Variants in DMD observed in about 807,000 individuals in gnomAD.
DMD encodes mutant dystrophin.
Under a neutral mutation model 330.1 loss-of-function variants are expected in DMD, and 63 were observed. The observed-to-expected ratio is 0.19, with a 90% CI of 0.16 to 0.24. The LOEUF (loss-of-function observed/expected upper bound fraction) is 0.24. DMD is among the 10% of genes least tolerant of loss of function. The pLI is 1.00. For synonymous variants in DMD, 1,223 were observed against 959.8 expected (o/e 1.27, Z -5.07); for missense variants, 3,344 against 2,684.1 (o/e 1.25, Z -5.43).
intron 43 of DMD, among the ~76,000 whole-genome samples, chrX:32,267,605 C>A (rs935253437): frequency 8.9e-6 from 1 of 111,896 alleles, no homozygotes; most frequent in Non-Finnish European, 1.9e-5. Flanking sequence ...AGAAAAGTAA[C>A]CCTAATATTA....
chrX:32,367,977 C>A (rs1467165276), intron 34 of DMD, among the ~76,000 whole-genome samples: 1 of 111,822 alleles, frequency 8.9e-6, no homozygotes, highest in Non-Finnish European at 1.9e-5. Context: ...AGTATTCAAT[C>A]ATTTGTATAC....
intron 1 of DMD, among the ~76,000 whole-genome samples, chrX:33,285,658 G>A (rs745761976): frequency 8.9e-6 from 1 of 111,856 alleles, no homozygotes; most frequent in Admixed American, 9.5e-5. Flanking sequence ...TTTGTATTGT[G>A]TGATATTTGC....
chrX:32,500,895 CA>C (rs1320031384), intron 19 of DMD, among the ~76,000 whole-genome samples: 6 of 111,849 alleles, frequency 5.4e-5, no homozygotes, highest in Non-Finnish European at 3.8e-5. Flanking sequence ...ATTTATGCCC[CA>C]AAATGCAGGC....
In DMD at chrX:32,472,246, T is replaced by C. The variant is rs755414598; in HGVS notation, c.2867A>G (p.Gln956Arg). Reference protein sequence around the residue: ...ETMSAIRTWVQQSETKLSIPQ... With the variant: ...ETMSAIRTWVRQSETKLSIPQ... The stretch of plus-strand genomic sequence containing the variant: ...TATGGAGAGTTTGGTTTCTGACTGC[T>C]GGACCCATGTCCTGATGGCACTCAT... The change falls in exon 22 of 79, where the codon CAG becomes CGG. Residue 956 changes from glutamine to arginine, a missense_variant. Transcript: ENST00000357033. The C allele has an allele frequency of 8.3e-7, 1 of 1,209,125 alleles. No homozygotes were observed. The highest frequency in any genetic ancestry group is 1.1e-6 in the Non-Finnish European group (1 of 894,652).
At chrX:32,205,005 T>TCTCTCTCTCTCACA (rs60181300) in intron 44 of DMD, among the ~76,000 whole-genome samples, 1 of 29,229 alleles carries the variant, frequency 3.4e-5, no homozygotes, top group African/African-American at 1.1e-4. Context: ...TCTCTCTCTC[T>TCTCTCTCTCTCACA]CACATACACA....
chrX:31,579,487 C>T (rs1240233021), intron 55 of DMD, among the ~76,000 whole-genome samples: 1 of 112,292 alleles, frequency 8.9e-6, no homozygotes, highest in Non-Finnish European at 1.9e-5. Context: ...CCACCTAAAT[C>T]GCTGTTTCCC....
chrX:32,350,134 G>A (rs767245384), intron 37 of DMD, among the ~76,000 whole-genome samples: 1 of 111,161 alleles, frequency 9.0e-6, no homozygotes, highest in Admixed American at 9.6e-5. Flanking sequence ...TTGTGTACTT[G>A]GATGTCAGAA....
At chrX:33,279,527 G>A (rs887964732) in intron 1 of DMD, among the ~76,000 whole-genome samples, 1 of 108,969 alleles carries the variant, frequency 9.2e-6, no homozygotes, top group Admixed American at 9.8e-5. Flanking sequence ...ATGAATATTT[G>A]TGGATACGTT....
At chrX:31,973,138 A>G (rs903836144) in intron 44 of DMD, among the ~76,000 whole-genome samples, 1 of 110,622 alleles carries the variant, frequency 9.0e-6, no homozygotes, top group African/African-American at 3.3e-5. Flanking sequence ...ACCAGGACCC[A>G]TTCAACTTAG....
intron 44 of DMD, among the ~76,000 whole-genome samples, chrX:31,996,270 T>C (rs1277571350): frequency 2.7e-5 from 3 of 111,947 alleles, no homozygotes; most frequent in Non-Finnish European, 5.6e-5. Flanking sequence ...CTCAACAATA[T>C]CTTTCTTCTC....
At chrX:31,291,238 A>G (rs1307143935) in intron 62 of DMD, among the ~76,000 whole-genome samples, 1 of 109,202 alleles carries the variant, frequency 9.2e-6, no homozygotes, top group African/African-American at 3.4e-5. Context: ...ATTAGCCCAC[A>G]CAGTTTTTTT....
chrX:32,492,868 A>G (rs1243737959), intron 19 of DMD, among the ~76,000 whole-genome samples: 2 of 112,142 alleles, frequency 1.8e-5, no homozygotes, highest in Admixed American at 1.9e-4. Context: ...ATGTACCTAC[A>G]GAGATCTCAA....
At chrX:31,521,966 A>G (rs2072803674) in intron 55 of DMD, among the ~76,000 whole-genome samples, 1 of 111,425 alleles carries the variant, frequency 9.0e-6, no homozygotes, top group Non-Finnish European at 1.9e-5. Context: ...ACAAGATGTA[A>G]GTTCTCTATT....
chrX:31,639,612 C>G (rs937007482), intron 54 of DMD, among the ~76,000 whole-genome samples: 1 of 111,909 alleles, frequency 8.9e-6, no homozygotes, highest in Non-Finnish European at 1.9e-5. Flanking sequence ...TGGTGTCATT[C>G]TGCATTTGTT....
chrX:32,080,356 T>G lies in DMD; in HGVS notation c.6439-111842A>C, dbSNP rs904772450. Among the ~76,000 whole-genome samples, 6 of 112,275 alleles carry G rather than the reference T, an allele frequency of 5.3e-5. No homozygotes were observed. The Admixed American group carries it at 5.7e-4, about 11-fold the overall frequency. ...CATTAAAAGAACTTAACTAAGCTGT[T>G]AAATGTCCATTAGCCTAATATATGG... On this transcript the variant is annotated intron_variant, in intron 44 of 78. Coordinates refer to ENST00000357033, the MANE Select transcript of DMD (RefSeq NM_004006.3).
intron 52 of DMD, among the ~76,000 whole-genome samples, chrX:31,726,124 G>C (rs1285360899): frequency 1.8e-5 from 2 of 112,093 alleles, no homozygotes; most frequent in African/African-American, 6.5e-5. Flanking sequence ...CATTTGATCT[G>C]ATTTAGACAA....
chrX:31,194,496 C>G (rs772432432), intron 67 of DMD, among the ~76,000 whole-genome samples: 2 of 111,977 alleles, frequency 1.8e-5, no homozygotes, highest in South Asian at 7.5e-4. Context: ...TTTTAAATGG[C>G]ATAGGGGAAA....
intron 34 of DMD, among the ~76,000 whole-genome samples, chrX:32,371,890 G>A (rs2097879971): frequency 9.0e-6 from 1 of 111,620 alleles, no homozygotes; most frequent in South Asian, 3.7e-4. Flanking sequence ...TTATTTTAAT[G>A]AGGACTTATA....
At chrX:32,857,512 GCATGACTTTTAAACT>G (rs1362339961) in intron 2 of DMD, among the ~76,000 whole-genome samples, 1 of 111,971 alleles carries the variant, frequency 8.9e-6, no homozygotes, top group East Asian at 2.8e-4. Flanking sequence ...TCTGAGCAAA[GCATGACTTTTAAACT>G]CATCAAAAAA....
Sources: gnomAD v4.1 joint callset for allele counts (sites outside exome capture counted in the v4.1 genomes callset) on GRCh38, gnomAD v4.1.1 for gene constraint, MANE v1.5 for transcripts, NCBI Gene and HGNC (gene_info 2026-07-23, HGNC 2026-07-21) for gene names.